Variants in TESK2 observed in about 807,000 individuals in gnomAD.
The protein encoded by TESK2 is dual specificity testis-specific protein kinase 2.
Under a neutral mutation model 57.1 loss-of-function variants are expected in TESK2, and 39 were observed. The ratio of observed to expected loss-of-function variants is 0.68; its 90% CI spans 0.53 to 0.89. The LOEUF is 0.89. Ranked by LOEUF, TESK2 falls within the 40% of genes least tolerant of loss-of-function variation. The pLI is 0.00. For missense variants in TESK2, 646 were observed against 732.1 expected, an observed-to-expected ratio of 0.88 and a Z score of 1.36; for synonymous variants, 249 against 267.9, an observed-to-expected ratio of 0.93 and a Z score of 0.69.
chr1:45,470,049 CA>C (rs1201248815), intron 1 of TESK2, among the ~76,000 whole-genome samples: 1 of 152,064 alleles, frequency 6.6e-6, no homozygotes, highest in African/African-American at 2.4e-5. Flanking sequence ...ACAAAGTCAT[CA>C]AAAAAGATTT....
intron 4 of TESK2, among the ~76,000 whole-genome samples, chr1:45,362,548 G>T (rs929799876): frequency 1.3e-5 from 2 of 152,140 alleles, no homozygotes; most frequent in Non-Finnish European, 2.9e-5. Context: ...AACCAAATAA[G>T]CTTATCTCTG....
rs934881307 is a variant in TESK2, at chr1:45,457,833, T to C, written c.-48A>G. 6.5e-6 allele frequency: 10 copies of C among 1,543,624 alleles called. No homozygotes were observed. Among genetic ancestry groups the C allele is most frequent in the Non-Finnish European group, 8.9e-6 (10 of 1,125,620 alleles). On this transcript the variant is annotated 5_prime_UTR_variant, in exon 2 of 11. The change abolishes an upstream ATG in the 5' untranslated region. Transcript: ENST00000372086. ...TTCTTTTAAGAAGGAACTCCACACA[T>C]AAATTTTTGTTGAATTTTACTTCTC...
chr1:45,410,613 A>T (rs1333165947), intron 3 of TESK2, among the ~76,000 whole-genome samples: 1 of 152,102 alleles, frequency 6.6e-6, no homozygotes, highest in African/African-American at 2.4e-5. Context: ...CTCAAAAAAA[A>T]AAAATTTTTT....
intron 4 of TESK2, chr1:45,385,327 C>T (rs1474427948): frequency 6.1e-6 from 6 of 985,134 alleles, no homozygotes; most frequent in Non-Finnish European, 6.0e-6. Flanking sequence ...CTCTGATCCT[C>T]GGAGGATGAA....
intron 1 of TESK2, among the ~76,000 whole-genome samples, chr1:45,488,227 T>C (rs1178939182): frequency 1.3e-5 from 2 of 152,152 alleles, no homozygotes; most frequent in African/African-American, 2.4e-5. Flanking sequence ...GCCAACAATT[T>C]TTTTTGTTAA....
chr1:45,345,174 G>C lies in TESK2; in HGVS notation c.1382C>G (p.Pro461Arg). ...IRRWRSLPGS[P>R]EFLHQEACPF... ...ACAAGCCTCTTGATGCAAGAACTCA[G>C]GCGAACCAGGCAAGGAACGCCACCG... is the stretch of plus-strand genomic sequence containing the variant. The change falls in exon 11 of 11, where the codon CCT (proline) becomes CGT (arginine). Residue 461 changes from proline (P) to arginine (R), a missense_variant. Physicochemically the swap from Pro to Arg is moderately radical, Grantham distance 103. Transcript: ENST00000372086. 1.9e-6 allele frequency: 3 copies of C among 1,614,212 alleles called. No homozygotes were observed. Among genetic ancestry groups the C allele is most frequent in the Non-Finnish European group, 2.5e-6 (3 of 1,180,038 alleles).
At chr1:45,394,431 A>C (rs1289205717) in intron 3 of TESK2, among the ~76,000 whole-genome samples, 1 of 150,982 alleles carries the variant, frequency 6.6e-6, no homozygotes, top group African/African-American at 2.4e-5. Context: ...TCCCAAAGTA[A>C]GCCACCACAC....
chr1:45,372,267 T>TA (rs113568988), intron 4 of TESK2, among the ~76,000 whole-genome samples: 7,519 of 137,874 alleles, frequency 0.055, 668 homozygotes, highest in African/African-American at 0.19. Context: ...AAATAACAAT[T>TA]AAAAAAAAAA....
chr1:45,384,917 C>T (rs1216419291), intron 4 of TESK2, among the ~76,000 whole-genome samples: 2 of 152,056 alleles, frequency 1.3e-5, no homozygotes, highest in Non-Finnish European at 2.9e-5. Flanking sequence ...GGCATAGCTG[C>T]ACACATTCCA....
intron 1 of TESK2, among the ~76,000 whole-genome samples, chr1:45,486,151 TATG>T (rs1653468289): frequency 6.6e-6 from 1 of 152,202 alleles, no homozygotes; most frequent in Non-Finnish European, 1.5e-5. Context: ...GTCATCTCCA[TATG>T]ATGACTTTGT....
intron 3 of TESK2, among the ~76,000 whole-genome samples, chr1:45,400,628 A>G (rs1426875587): frequency 6.6e-6 from 1 of 152,206 alleles, no homozygotes; most frequent in African/African-American, 2.4e-5. Context: ...ATTCGCATTC[A>G]GTCAGTCAAA....
At chr1:45,353,633 G>C (rs1274759623) in intron 5 of TESK2, among the ~76,000 whole-genome samples, 1 of 152,210 alleles carries the variant, frequency 6.6e-6, no homozygotes, top group Non-Finnish European at 1.5e-5. Flanking sequence ...GGAATGAAGT[G>C]ACAGCTATTC....
intron 1 of TESK2, among the ~76,000 whole-genome samples, chr1:45,458,815 T>C (rs1242621504): frequency 6.6e-6 from 1 of 152,166 alleles, no homozygotes; most frequent in African/African-American, 2.4e-5. Flanking sequence ...GAAGTAACTA[T>C]AGAAGGCTCC....
intron 2 of TESK2, among the ~76,000 whole-genome samples, chr1:45,453,935 T>C (rs978814205): frequency 1.3e-5 from 2 of 152,164 alleles, no homozygotes; most frequent in Non-Finnish European, 2.9e-5. Flanking sequence ...TATCACTAGT[T>C]GTTTAGAAAA....
At chr1:45,417,593 G>A (rs1336131956) in intron 3 of TESK2, among the ~76,000 whole-genome samples, 1 of 151,022 alleles carries the variant, frequency 6.6e-6, no homozygotes. Context: ...TTTCTATTAT[G>A]TTTTCTTTTT....
At chr1:45,394,468 A>G (rs1292508031) in intron 3 of TESK2, among the ~76,000 whole-genome samples, 1 of 150,776 alleles carries the variant, frequency 6.6e-6, no homozygotes, top group Non-Finnish European at 1.5e-5. Flanking sequence ...TTTGTACTTT[A>G]GACCACTGTG....
At chr1:45,352,430 G>A (rs552698427) in intron 5 of TESK2, among the ~76,000 whole-genome samples, 2 of 152,260 alleles carry the variant, frequency 1.3e-5, no homozygotes, top group Admixed American at 6.5e-5. Context: ...TTATAATACA[G>A]CACAACAAGC....
chr1:45,350,077 G>A (rs1032816288), intron 5 of TESK2, among the ~76,000 whole-genome samples: 6 of 152,312 alleles, frequency 3.9e-5, no homozygotes, highest in Middle Eastern at 3.4e-3. Flanking sequence ...GGGAGGCAGA[G>A]GTTGCAGTGA....
intron 2 of TESK2, among the ~76,000 whole-genome samples, chr1:45,423,302 A>G (rs1392212159): frequency 2.0e-5 from 3 of 152,216 alleles, no homozygotes; most frequent in Non-Finnish European, 4.4e-5. Context: ...TCACGCCTGT[A>G]ATCCCAGGAC....
Sources: gnomAD v4.1 joint callset for allele counts (sites outside exome capture counted in the v4.1 genomes callset) on GRCh38, gnomAD v4.1.1 for gene constraint, MANE v1.5 for transcripts, NCBI Gene and HGNC (gene_info 2026-07-23, HGNC 2026-07-21) for gene names.